MPO: variants seen among roughly 807,000 people sequenced by gnomAD.
MPO encodes the protein myeloperoxidase.
MPO carries 57 observed loss-of-function variants against 69.4 expected under a neutral mutation model. The ratio of observed to expected loss-of-function variants is 0.82; its 90% CI spans 0.66 to 1.02. The LOEUF (loss-of-function observed/expected upper bound fraction) is 1.02, where lower values mean the gene tolerates loss of function less well. Among genes scored for constraint, MPO ranks in the 50% least tolerant of loss-of-function variants. The pLI, the probability that MPO is intolerant of heterozygous loss-of-function variation, is 0.00. For synonymous variants in MPO, 426 were observed against 417.1 expected, an observed-to-expected ratio of 1.02 and a Z score of -0.26; for missense variants, 971 against 1,014.1, an observed-to-expected ratio of 0.96 and a Z score of 0.58.
chr17:58,279,235 C>G, intron 5 of MPO, 21 bp from the exon 6 acceptor site: 1 of 1,584,028 alleles, frequency 6.3e-7, no homozygotes. Context: ...CGGAGATCAG[C>G]TGGCGCCTGG....
At position 58,280,865 on chromosome 17, in the gene MPO, T is replaced by C. The variant is rs1970510000; in HGVS notation, c.-107A>G. 3.0e-6 allele frequency: 4 copies of C among 1,347,050 alleles called. No homozygotes were observed. The highest frequency in any genetic ancestry group is 4.1e-6 in the Non-Finnish European group (4 of 974,784). The allele number at this position is 1,347,050 out of a possible 1,614,324, so 83.4% of individuals were successfully genotyped here. ...TCCTTGAGGGAGGGGCTCACTGCTC[T>C]CTTATCCCCTTGCCAGCTGCTGTCA... On this transcript the variant is annotated 5_prime_UTR_variant, in exon 1 of 12. Transcript: ENST00000225275.
At chr17:58,279,777 C>CT in intron 3 of MPO, 62 bp downstream of exon 3, 3 of 1,613,284 alleles carry the variant, frequency 1.9e-6, no homozygotes, top group Non-Finnish European at 2.5e-6. Flanking sequence ...TGAGAGACGG[C>CT]TGGGGTCCCT....
chr17:58,278,639 C>T (rs534689692), intron 6 of MPO, among the ~76,000 whole-genome samples: 13 of 152,206 alleles, frequency 8.5e-5, no homozygotes, highest in Middle Eastern at 6.8e-3. Context: ...CTCAGTGGGG[C>T]GGAAACAGGA....
rs201002054 is a variant in MPO, at chr17:58,273,602, G to A, written c.1433C>T (p.Thr478Met). Residue 478 changes from threonine (T) to methionine (M), a missense_variant, in exon 9 of 12, where the codon ACG becomes ATG. Transcript: ENST00000225275. ...GPTAMRKYLP[T>M]YRSYNDSVDP... ...CACTGAGTCATTGTAGGAACGGTAC[G>A]TGGGCAGGTACTTCCTCATGGCCGT... The A allele has an allele frequency of 5.0e-5, 80 of 1,614,232 alleles. 1 individual carries two copies. The Admixed American group carries it at 7.2e-4, about 14-fold the overall frequency.
chr17:58,280,811 AG>A lies in MPO; in HGVS notation c.-54del. ...CCTTTGTACCTCAGCCCCACCTCAG[AG>A]GGCCCTGTCTATGGATAAAGCCAGA... is the stretch of plus-strand genomic sequence containing the variant. On this transcript the variant is annotated 5_prime_UTR_variant, in exon 1 of 12. Coordinates refer to ENST00000225275, the MANE Select transcript of MPO (RefSeq NM_000250.2). The A allele has an allele frequency of 1.2e-6, 2 of 1,606,848 alleles. No homozygotes were observed. Among genetic ancestry groups the A allele is most frequent in the Non-Finnish European group, 1.7e-6 (2 of 1,175,752 alleles).
intron 3 of MPO, 43 bp downstream of exon 3, chr17:58,279,796 T>A (rs747370768): frequency 6.2e-7 from 1 of 1,612,816 alleles, no homozygotes; most frequent in South Asian, 1.1e-5. Flanking sequence ...CTAGGAGGAG[T>A]CACTAGTGGA....
chr17:58,271,564 C>G, intron 11 of MPO, 91 bp downstream of exon 11: 1 of 1,273,788 alleles, frequency 7.9e-7, no homozygotes, highest in Non-Finnish European at 1.1e-6. Flanking sequence ...TCCCTCCAGT[C>G]CTTCAACTGA....
intron 5 of MPO, 21 bp downstream of exon 5, chr17:58,279,276 C>G: frequency 6.4e-7 from 1 of 1,562,314 alleles, no homozygotes; most frequent in Non-Finnish European, 8.7e-7. Flanking sequence ...GGCCTCGCCC[C>G]CTCTGCCCGC....
chr17:58,280,093 T>A (rs977937814), intron 2 of MPO, 79 bp from the exon 3 acceptor site: 11 of 1,564,958 alleles, frequency 7.0e-6, no homozygotes, highest in South Asian at 1.1e-5. Flanking sequence ...GGGGCAGACA[T>A]GCAGGACCAT....
At position 58,273,634 on chromosome 17, in the gene MPO, C is replaced by A. The variant is rs779273819; in HGVS notation, c.1401G>T (p.Leu467=). The part of the protein sequence containing the change: ...ITYRDYLPLV[L]GPTAMRKYLP... The stretch of plus-strand genomic sequence containing the variant: ...GGTACTTCCTCATGGCCGTTGGCCC[C>A]AGCACCAGGGGCAGGTAGTCCCGGT... The change falls in exon 9 of 12, where the codon CTG becomes CTT. Residue 467 remains leucine (L), a synonymous_variant. Coordinates refer to ENST00000225275, the MANE Select transcript of MPO (RefSeq NM_000250.2). 6.2e-7 allele frequency: 1 copy of A among 1,614,214 alleles called. No homozygotes were observed. Among genetic ancestry groups the A allele is most frequent in the Admixed American group, 1.7e-5 (1 of 60,018 alleles).
chr17:58,280,905 AC>A lies in MPO; in HGVS notation c.-148del. 1 of 879,964 alleles carries A rather than the reference AC, an allele frequency of 1.1e-6. No homozygotes were observed. The highest frequency in any genetic ancestry group is 1.8e-6 in the Non-Finnish European group (1 of 569,530). 54.5% of individuals were successfully genotyped at this position (879,964 alleles called of 1,614,324 possible). A position where few individuals can be genotyped will look rare whatever the true frequency, so the allele number is the denominator to read the frequency against. On this transcript the variant is annotated 5_prime_UTR_variant, in exon 1 of 12. Transcript: ENST00000225275. ...AGCTGCTGTCATCCAGCTTCCAAGG[AC>A]CCCACCTCCACAGCTCACCTGATAT...
rs1382024061 is a variant in MPO at position 58,279,271 on chromosome 17, C to T, written c.678+26G>A. ...GTCCGCGCACCGCGTGGCCGGGCCTCGCCCCCTCTGCCCGCCGGCGCTCAC... is the reference window on the plus strand; with the variant it reads ...GTCCGCGCACCGCGTGGCCGGGCCTTGCCCCCTCTGCCCGCCGGCGCTCAC... On this transcript the variant is annotated intron_variant, in intron 5 of 11. Transcript: ENST00000225275. The T allele has an allele frequency of 3.2e-6, 5 of 1,563,238 alleles. 1 individual carries two copies. The African/African-American group carries it at 4.1e-5, about 13-fold the overall frequency.
chr17:58,270,612 C>A lies in MPO; in HGVS notation c.*44G>T. The A allele has an allele frequency of 6.6e-7, 1 of 1,526,174 alleles. No homozygotes were observed. Among genetic ancestry groups the A allele is most frequent in the Non-Finnish European group, 8.9e-7 (1 of 1,119,142 alleles). 94.5% of individuals were successfully genotyped at this position (1,526,174 alleles called of 1,614,324 possible). On this transcript the variant is annotated 3_prime_UTR_variant, in exon 12 of 12. Transcript: ENST00000225275. The surrounding 1 kb of genome is among the most constrained non-coding windows in gnomAD (Gnocchi z 4.1). Reference sequence around the variant, plus strand: ...GGAGATCTCCGTGGTTCCAACTGGCCAGCCCAGATATACCCCTCACTGCTG... The same window carrying A: ...GGAGATCTCCGTGGTTCCAACTGGCAAGCCCAGATATACCCCTCACTGCTG...
chr17:58,278,667 G>A (rs1598042501), intron 6 of MPO, among the ~76,000 whole-genome samples: 1 of 152,254 alleles, frequency 6.6e-6, no homozygotes, highest in South Asian at 2.1e-4. Flanking sequence ...TGGAGGCTTG[G>A]GGGGCACTGA....
In MPO at chr17:58,272,756, C is replaced by T; in HGVS notation, c.1784G>A (p.Gly595Asp). 6.2e-7 allele frequency: 1 copy of T among 1,613,804 alleles called. No individual in the cohort carries two copies. Among genetic ancestry groups the T allele is most frequent in the Non-Finnish European group, 8.5e-7 (1 of 1,179,898 alleles). ...CTCCTGCAGCCCCTCACCTGGGAGG[C>T]CGTGGTCCCTGCTGCGCTGCATGTT... is the stretch of plus-strand genomic sequence containing the variant. ...ALNMQRSRDH[G>D]LPGYNAWRRF... Residue 595 changes from glycine to aspartate, a missense_variant, in exon 10 of 12, where the codon GGC becomes GAC. Transcript: ENST00000225275.
At chr17:58,278,668 G>T (rs1212505574) in intron 6 of MPO, among the ~76,000 whole-genome samples, 1 of 152,102 alleles carries the variant, frequency 6.6e-6, no homozygotes, top group African/African-American at 2.4e-5. Context: ...GGAGGCTTGG[G>T]GGGCACTGAG....
rs774618810 is a variant in MPO at position 58,280,375 on chromosome 17, C to A, written c.239G>T (p.Arg80Leu). 1 of 1,614,034 alleles carries A rather than the reference C, an allele frequency of 6.2e-7. No homozygotes were observed. The highest frequency in any genetic ancestry group is 1.1e-5 in the South Asian group (1 of 91,080). The change falls in exon 2 of 12, where the codon CGG becomes CTG. Residue 80 changes from arginine (R) to leucine (L), a missense_variant. By Grantham distance (102) the Arg-to-Leu change is moderately radical (BLOSUM62 -2). Transcript: ENST00000225275. ...KQLVDKAYKERRESIKQRLRS... is the reference protein window; with the variant it reads ...KQLVDKAYKELRESIKQRLRS... Reference sequence around the variant, plus strand: ...GTGCCTCGTGCCCCACCTTTCCCGCCGCTCCTTGTAGGCCTTGTCCACCAG... The same window carrying A: ...GTGCCTCGTGCCCCACCTTTCCCGCAGCTCCTTGTAGGCCTTGTCCACCAG...
At chr17:58,274,648 C>T (rs1000310243) in intron 8 of MPO, among the ~76,000 whole-genome samples, 3 of 151,688 alleles carry the variant, frequency 2.0e-5, no homozygotes, top group Admixed American at 6.6e-5. Flanking sequence ...GGCGAAACCC[C>T]GTCTCTACAA....
chr17:58,280,454 G>A lies in MPO; in HGVS notation c.160C>T (p.Leu54=), dbSNP rs1311254921. 1.2e-6 allele frequency: 2 copies of A among 1,613,900 alleles called. No individual in the cohort carries two copies. The highest frequency in any genetic ancestry group is 2.7e-5 in the African/African-American group (2 of 74,896). ...QPSEGAAPAV[L]GEVDTSLVLS... is the part of the protein sequence containing the mutation. ...ACCAACGAGGTGTCCACCTCCCCCAGGACAGCTGCCCAGAGCAGGGATCAC... is the reference window on the plus strand; with the variant it reads ...ACCAACGAGGTGTCCACCTCCCCCAAGACAGCTGCCCAGAGCAGGGATCAC... Residue 54 remains leucine, a synonymous_variant, in exon 2 of 12, where the codon CTG becomes TTG. Transcript: ENST00000225275.
Sources: gnomAD v4.1 joint callset for allele counts (sites outside exome capture counted in the v4.1 genomes callset) on GRCh38, gnomAD v4.1.1 for gene constraint, Gnocchi (gnomAD v3.1) non-coding constraint, MANE v1.5 for transcripts, NCBI Gene and HGNC (gene_info 2026-07-23, HGNC 2026-07-21) for gene names.